MGMT: variants seen among roughly 807,000 people sequenced by gnomAD.
MGMT encodes the protein methylated-DNA--protein-cysteine methyltransferase.
Under a neutral mutation model 15.9 loss-of-function variants are expected in MGMT, and 14 were observed. The observed-to-expected ratio is 0.88, with a 90% CI of 0.58 to 1.37. MGMT has a LOEUF of 1.37. Ranked by LOEUF, MGMT falls within the 40% of genes most tolerant of loss-of-function variation. The pLI is 0.00. For synonymous variants in MGMT, 130 were observed against 118.2 expected, an observed-to-expected ratio of 1.10 and a Z score of -0.65; for missense variants, 282 against 268.1, an observed-to-expected ratio of 1.05 and a Z score of -0.36.
At chr10:129,646,754 A>ATATTTTTT in intron 2 of MGMT, among the ~76,000 whole-genome samples, 21 of 86,666 alleles carry the variant, frequency 2.4e-4, no homozygotes, top group African/African-American at 8.2e-4. Context: ...ATATATATAT[A>ATATTTTTT]TTTTCAGGGA....
intron 2 of MGMT, among the ~76,000 whole-genome samples, chr10:129,664,194 A>G (rs952229175): frequency 6.6e-6 from 1 of 152,228 alleles, no homozygotes; most frequent in Non-Finnish European, 1.5e-5. Flanking sequence ...GATGAATAAT[A>G]TAATCATGCA....
intron 1 of MGMT, among the ~76,000 whole-genome samples, chr10:129,470,211 T>C (rs552957426): frequency 2.0e-5 from 3 of 152,262 alleles, no homozygotes; most frequent in Non-Finnish European, 2.9e-5. Flanking sequence ...GGGTCCTTGG[T>C]TGGCATGAGG....
At chr10:129,761,522 GA>G (rs1848873367) in intron 4 of MGMT, among the ~76,000 whole-genome samples, 1 of 152,182 alleles carries the variant, frequency 6.6e-6, no homozygotes, top group South Asian at 2.1e-4. Context: ...GCGATATTCG[GA>G]GACATTTATT....
At chr10:129,597,450 C>T (rs945090182) in intron 2 of MGMT, among the ~76,000 whole-genome samples, 3 of 151,958 alleles carry the variant, frequency 2.0e-5, no homozygotes, top group African/African-American at 4.8e-5. Context: ...ATTTTTATTA[C>T]CTACTTTTCA....
At chr10:129,728,606 C>T (rs2133160513) in intron 3 of MGMT, among the ~76,000 whole-genome samples, 1 of 152,196 alleles carries the variant, frequency 6.6e-6, no homozygotes, top group African/African-American at 2.4e-5. Context: ...CTTGCCCATG[C>T]CCCTCCTCCT....
chr10:129,679,955 C>T (rs548879198), intron 2 of MGMT, among the ~76,000 whole-genome samples: 8 of 152,312 alleles, frequency 5.3e-5, no homozygotes, highest in East Asian at 3.9e-4. Flanking sequence ...GATCATTCCA[C>T]GCTCCGTTAT....
chr10:129,715,785 A>G (rs77702905), intron 3 of MGMT, among the ~76,000 whole-genome samples: 2,224 of 152,372 alleles, frequency 0.015, 45 homozygotes, highest in African/African-American at 0.05. Flanking sequence ...AAACTATTGC[A>G]GGAGCTGAAA....
At chr10:129,482,481 C>G (rs546689794) in intron 1 of MGMT, among the ~76,000 whole-genome samples, 2 of 152,184 alleles carry the variant, frequency 1.3e-5, no homozygotes, top group Admixed American at 1.3e-4. Flanking sequence ...TTTCCCTATT[C>G]TAAAAATTAT....
intron 1 of MGMT, among the ~76,000 whole-genome samples, chr10:129,523,694 G>T (rs1225348949): frequency 8.9e-6 from 1 of 112,524 alleles, no homozygotes; most frequent in African/African-American, 3.6e-5. Context: ...GTTGTCTAGA[G>T]GCTGGGGAGC....
At chr10:129,576,922 A>G (rs1430502287) in intron 2 of MGMT, among the ~76,000 whole-genome samples, 8 of 152,302 alleles carry the variant, frequency 5.3e-5, no homozygotes, top group Non-Finnish European at 1.2e-4. Context: ...TCATGAGTGA[A>G]CTCCCATTCA....
chr10:129,637,549 G>A (rs1177262962), intron 2 of MGMT, among the ~76,000 whole-genome samples: 1 of 152,180 alleles, frequency 6.6e-6, no homozygotes, highest in Non-Finnish European at 1.5e-5. Flanking sequence ...AGGATCGAAG[G>A]AGGCTGTCAC....
chr10:129,699,925 T>C (rs1848077205), intron 2 of MGMT, among the ~76,000 whole-genome samples: 1 of 152,092 alleles, frequency 6.6e-6, no homozygotes, highest in African/African-American at 2.4e-5. Context: ...CTGTGATAAG[T>C]GGGAGGCCCT....
chr10:129,472,532 AC>A (rs1845244176), intron 1 of MGMT, among the ~76,000 whole-genome samples: 1 of 152,052 alleles, frequency 6.6e-6, no homozygotes, highest in South Asian at 2.1e-4. Context: ...CCAAGCCCTC[AC>A]TGGGGGCATG....
intron 2 of MGMT, among the ~76,000 whole-genome samples, chr10:129,559,646 T>G (rs1356368650): frequency 6.6e-6 from 1 of 152,166 alleles, no homozygotes; most frequent in Non-Finnish European, 1.5e-5. Context: ...CTTGGAAGGA[T>G]GAATGTGGGT....
chr10:129,544,605 C>A (rs913044388), intron 2 of MGMT, among the ~76,000 whole-genome samples: 3 of 152,196 alleles, frequency 2.0e-5, no homozygotes, highest in Non-Finnish European at 4.4e-5. Flanking sequence ...TACCCTGTTG[C>A]GTGGGTGGGC....
intron 3 of MGMT, among the ~76,000 whole-genome samples, chr10:129,728,603 A>G (rs1441623328): frequency 6.6e-6 from 1 of 152,014 alleles, no homozygotes; most frequent in South Asian, 2.1e-4. Context: ...GCTCTTGCCC[A>G]TGCCCCTCCT....
At chr10:129,699,031 TTTTGGAA>T (rs1848065016) in intron 2 of MGMT, among the ~76,000 whole-genome samples, 1 of 152,222 alleles carries the variant, frequency 6.6e-6, no homozygotes, top group South Asian at 2.1e-4. Flanking sequence ...CCTGTAATTG[TTTTGGAA>T]TCTTTAGGGA....
rs564113727 is a variant in MGMT, at chr10:129,708,096, C to T, written c.274+53C>T. On this transcript the variant is annotated intron_variant, in intron 3 of 4. Transcript: ENST00000651593. The stretch of plus-strand genomic sequence containing the variant: ...TCCTTTGGGGAGCTTGACTTATTAA[C>T]GATCGCTGACATCACAGTTCATTTT... The T allele has an allele frequency of 9.0e-6, 14 of 1,553,296 alleles. No individual in the cohort carries two copies. In the Admixed American group the frequency reaches 1.2e-4, roughly 13 times the overall value.
chr10:129,610,697 G>A (rs957893494), intron 2 of MGMT, among the ~76,000 whole-genome samples: 6 of 152,194 alleles, frequency 3.9e-5, no homozygotes, highest in Non-Finnish European at 8.8e-5. Context: ...TCCCTATGAT[G>A]GCAGAGTTGA....
Sources: gnomAD v4.1 joint callset for allele counts (sites outside exome capture counted in the v4.1 genomes callset) on GRCh38, gnomAD v4.1.1 for gene constraint, MANE v1.5 for transcripts, NCBI Gene and HGNC (gene_info 2026-07-23, HGNC 2026-07-21) for gene names.